The following UGT3A1 variants were observed in gnomAD, a reference collection of about 807,000 sequenced individuals.
The protein encoded by UGT3A1 is UDP-glycosyltransferase 3A1.
A neutral mutation model predicts 37.6 loss-of-function variants in UGT3A1; 40 were observed. That is an observed-to-expected ratio of 1.06 (90% CI 0.83 to 1.38). UGT3A1 has a LOEUF of 1.38. Ranked by LOEUF, UGT3A1 falls within the 40% of genes most tolerant of loss-of-function variation. The pLI is 0.00. For synonymous variants in UGT3A1, 256 were observed against 232.3 expected (o/e 1.10, Z -0.93); for missense variants, 642 against 634.2 (o/e 1.01, Z -0.13).
intron 2 of UGT3A1, among the ~76,000 whole-genome samples, chr5:35,984,631 C>T (rs1352530232): frequency 2.6e-5 from 4 of 151,922 alleles, no homozygotes; most frequent in African/African-American, 9.7e-5. Flanking sequence ...TGCCATCACA[C>T]CCAGCTCATT....
chr5:35,972,887 GAA>G (rs5867299), intron 2 of UGT3A1, among the ~76,000 whole-genome samples: 1 of 146,994 alleles, frequency 6.8e-6, no homozygotes, highest in African/African-American at 2.5e-5. Context: ...TGTCTGCCCT[GAA>G]AAAAAAAAAA....
upstream of UGT3A1, among the ~76,000 whole-genome samples, chr5:35,991,878 G>A (rs185655016): frequency 3.1e-4 from 47 of 152,284 alleles, no homozygotes; most frequent in South Asian, 3.7e-3. Flanking sequence ...AAGTCACTCC[G>A]GGTCTGTACC....
Position 35,965,483 on chromosome 5 carries a change from A to G in UGT3A1, c.746T>C (p.Val249Ala), listed in dbSNP as rs539879813. The G allele has an allele frequency of 1.2e-6, 2 of 1,614,236 alleles. No individual in the cohort carries two copies. The highest frequency in any genetic ancestry group is 1.1e-5 in the South Asian group (1 of 91,090). ...HLLLKAELWF[V>A]NSDFAFDFAR... ...AAAATCAAAGGCAAAATCAGAGTTA[A>G]CAAACCACAACTCTGCTTTCAGTAG... The change falls in exon 4 of 7, where the codon GTT (valine) becomes GCT (alanine). Residue 249 changes from valine to alanine, a missense_variant. Transcript: ENST00000274278.
At chr5:35,986,481 T>G (rs1740733321) in intron 2 of UGT3A1, among the ~76,000 whole-genome samples, 1 of 152,128 alleles carries the variant, frequency 6.6e-6, no homozygotes, top group African/African-American at 2.4e-5. Context: ...CAATGAAATA[T>G]TATTCAGCTA....
chr5:35,986,723 A>G (rs567259616), intron 2 of UGT3A1, among the ~76,000 whole-genome samples: 1 of 152,160 alleles, frequency 6.6e-6, no homozygotes, highest in African/African-American at 2.4e-5. Flanking sequence ...GTACATATCT[A>G]TAGCTTTACA....
intron 2 of UGT3A1, among the ~76,000 whole-genome samples, chr5:35,972,824 C>T (rs1005182637): frequency 6.6e-6 from 1 of 150,906 alleles, no homozygotes; most frequent in African/African-American, 2.4e-5. Flanking sequence ...AGAATGAGAT[C>T]AAGGCTTTAA....
intron 2 of UGT3A1, 137 bp downstream of exon 2, chr5:35,988,313 A>T: frequency 1.7e-6 from 1 of 591,416 alleles, no homozygotes; most frequent in Non-Finnish European, 2.9e-6. Flanking sequence ...ACATGAACAC[A>T]CATCCACACA....
chr5:35,956,520 C>T (rs1003620726), intron 5 of UGT3A1, among the ~76,000 whole-genome samples: 6 of 152,184 alleles, frequency 3.9e-5, no homozygotes, highest in African/African-American at 1.4e-4. Flanking sequence ...AGTTATGAAT[C>T]TCTGATCCAG....
intron 2 of UGT3A1, among the ~76,000 whole-genome samples, chr5:35,976,395 C>T (rs567672169): frequency 3.3e-5 from 5 of 152,188 alleles, no homozygotes; most frequent in East Asian, 3.9e-4. Flanking sequence ...CTGCAACAAC[C>T]CAATTTAAGA....
chr5:35,978,150 T>C (rs1041648630), intron 2 of UGT3A1, among the ~76,000 whole-genome samples: 1 of 152,174 alleles, frequency 6.6e-6, no homozygotes, highest in Non-Finnish European at 1.5e-5. Context: ...TTCTCCTGCC[T>C]CTGCCTCTTG....
At chr5:35,989,904 T>C (rs1006329520) in intron 1 of UGT3A1, among the ~76,000 whole-genome samples, 1 of 151,984 alleles carries the variant, frequency 6.6e-6, no homozygotes, top group African/African-American at 2.4e-5. Context: ...CTAACACGGT[T>C]AAACCCCGTC....
chr5:35,970,040 A>G (rs541470605), intron 2 of UGT3A1, among the ~76,000 whole-genome samples: 1 of 152,254 alleles, frequency 6.6e-6, no homozygotes, highest in East Asian at 1.9e-4. Flanking sequence ...TGTCTTACAT[A>G]GGTGGCAGCA....
intron 2 of UGT3A1, among the ~76,000 whole-genome samples, chr5:35,975,661 C>T (rs1050298810): frequency 1.0e-4 from 14 of 139,542 alleles, no homozygotes; most frequent in Non-Finnish European, 1.5e-4. Context: ...AACAGTGAAG[C>T]ATTTTTTTTT....
intron 2 of UGT3A1, among the ~76,000 whole-genome samples, chr5:35,979,982 G>A (rs1740454332): frequency 6.6e-6 from 1 of 152,154 alleles, no homozygotes; most frequent in Non-Finnish European, 1.5e-5. Context: ...GAATAGCACA[G>A]GAAAGACCTG....
intron 6 of UGT3A1, 49 bp downstream of exon 6, chr5:35,955,596 T>C: frequency 6.2e-7 from 1 of 1,600,836 alleles, no homozygotes; most frequent in Non-Finnish European, 8.6e-7. Flanking sequence ...CCCTTGTGTT[T>C]TCTATCTTCA....
rs995742134 is a variant in UGT3A1 at position 35,951,030 on chromosome 5, C to A, written c.*3172G>T. ...ATTCGTTTGGAGTTCTTTTTTTTTT[C>A]TGTTGATTGATTGTATACAGTATAT... On this transcript the variant is annotated 3_prime_UTR_variant, in exon 7 of 7. Transcript: ENST00000274278. 2.7e-5 allele frequency: 4 copies of A among 150,070 alleles called. No homozygotes were observed. The highest frequency in any genetic ancestry group is 4.4e-5 in the Non-Finnish European group (3 of 67,462). The allele number at this position is 150,070 out of a possible 1,614,324, so 9.3% of individuals were successfully genotyped here. A position where few individuals can be genotyped will look rare whatever the true frequency, so the allele number is the denominator to read the frequency against.
upstream of UGT3A1, among the ~76,000 whole-genome samples, chr5:35,994,238 C>T (rs1355254205): frequency 2.0e-5 from 3 of 151,224 alleles, no homozygotes; most frequent in African/African-American, 7.3e-5. Context: ...TTCCCACTTA[C>T]ACTTAGAGCA....
intron 2 of UGT3A1, among the ~76,000 whole-genome samples, chr5:35,975,353 T>C (rs1561465683): frequency 6.6e-6 from 1 of 152,208 alleles, no homozygotes; most frequent in Admixed American, 6.5e-5. Context: ...TAGTCAGCTA[T>C]CCAGGTAGCA....
rs1051873060 is a variant in UGT3A1 at position 35,984,765 on chromosome 5, G to T, written c.196+3685C>A. Among the ~76,000 whole-genome samples the T allele has an allele frequency of 2.0e-5, 3 of 151,976 alleles. No homozygotes were observed. The East Asian group carries it at 5.8e-4, about 29-fold the overall frequency. On this transcript the variant is annotated intron_variant, in intron 2 of 6. Coordinates refer to ENST00000274278, the MANE Select transcript of UGT3A1 (RefSeq NM_152404.4). ...TGAGATTACAGGTGTGAGCCACCAC[G>T]CCCAGCCAATCTCACAGAATTTTTA...
Sources: gnomAD v4.1 joint callset for allele counts (sites outside exome capture counted in the v4.1 genomes callset) on GRCh38, gnomAD v4.1.1 for gene constraint, MANE v1.5 for transcripts, NCBI Gene and HGNC (gene_info 2026-07-23, HGNC 2026-07-21) for gene names.